The following TRIT1 variants were observed in gnomAD, a reference collection of about 807,000 sequenced individuals.
TRIT1 encodes tRNA dimethylallyltransferase.
A neutral mutation model predicts 51.2 loss-of-function variants in TRIT1; 43 were observed. The ratio of observed to expected loss-of-function variants is 0.84; its 90% CI spans 0.66 to 1.08. The LOEUF (loss-of-function observed/expected upper bound fraction) is 1.08, where lower values mean the gene tolerates loss of function less well. Ranked by LOEUF, TRIT1 falls within the 50% of genes least tolerant of loss-of-function variation. TRIT1 has a pLI of 0.00. For missense variants in TRIT1, 528 were observed against 578.4 expected (o/e 0.91, Z 0.89); for synonymous variants, 184 against 203.9 (o/e 0.90, Z 0.83).
chr1:39,842,428 T>C (rs370260660), intron 10 of TRIT1, among the ~76,000 whole-genome samples: 21 of 152,372 alleles, frequency 1.4e-4, no homozygotes, highest in African/African-American at 4.6e-4. Flanking sequence ...CCTGTTGTCC[T>C]TCCTGGTCTG....
chr1:39,843,484 C>T (rs1341219091), intron 10 of TRIT1, among the ~76,000 whole-genome samples: 1 of 152,170 alleles, frequency 6.6e-6, no homozygotes, highest in East Asian at 1.9e-4. Context: ...GGGATAGAGC[C>T]TTAGGGTGGG....
chr1:39,866,179 T>C (rs911356190), intron 1 of TRIT1, among the ~76,000 whole-genome samples: 1 of 152,046 alleles, frequency 6.6e-6, no homozygotes, highest in Admixed American at 6.6e-5. Context: ...CTAACATCTC[T>C]TCTAGTTCTT....
intron 3 of TRIT1, 63 bp from the exon 4 acceptor site, chr1:39,852,939 G>A (rs191454211): frequency 6.4e-7 from 1 of 1,551,908 alleles, no homozygotes; most frequent in East Asian, 2.3e-5. Context: ...GTATGTGCCA[G>A]GCACTTTGCT....
intron 1 of TRIT1, among the ~76,000 whole-genome samples, chr1:39,863,276 C>G (rs1643351109): frequency 6.6e-6 from 1 of 152,072 alleles, no homozygotes; most frequent in Non-Finnish European, 1.5e-5. Context: ...ACCAGCCCGG[C>G]CAATATAGTG....
rs1253774533 is a variant in TRIT1, at chr1:39,869,259, C to T, written c.175-11842G>A. Among the ~76,000 whole-genome samples the T allele has an allele frequency of 3.3e-5, 5 of 152,188 alleles. No individual in the cohort carries two copies. In the South Asian group the frequency reaches 8.3e-4, roughly 25 times the overall value. On this transcript the variant is annotated intron_variant, in intron 1 of 10. Transcript: ENST00000316891. ...CTGGGATTGCAGGCGCACGCCGCCACGCCTGACTGGTTTTCATATTTTTTT... is the reference window on the plus strand; with the variant it reads ...CTGGGATTGCAGGCGCACGCCGCCATGCCTGACTGGTTTTCATATTTTTTT...
At chr1:39,869,674 C>T (rs1486059729) in intron 1 of TRIT1, among the ~76,000 whole-genome samples, 2 of 151,674 alleles carry the variant, frequency 1.3e-5, no homozygotes, top group Admixed American at 1.3e-4. Flanking sequence ...CTCTGCCCCG[C>T]CGCCCACCGT....
intron 1 of TRIT1, among the ~76,000 whole-genome samples, chr1:39,869,024 C>A (rs1389238820): frequency 3.3e-5 from 5 of 152,206 alleles, no homozygotes; most frequent in Middle Eastern, 3.2e-3. Context: ...CGTGCCACTG[C>A]ACTTCAGCCT....
At chr1:39,859,632 G>T (rs748571726) in intron 1 of TRIT1, among the ~76,000 whole-genome samples, 13 of 151,796 alleles carry the variant, frequency 8.6e-5, no homozygotes, top group Non-Finnish European at 1.6e-4. Context: ...GGGAGGAAAA[G>T]AGTTAATAAT....
In TRIT1 at chr1:39,841,307, T is replaced by C. The variant is rs1292452637; in HGVS notation, c.*437A>G. 6.5e-6 allele frequency: 1 copy of C among 152,840 alleles called. No homozygotes were observed. Among genetic ancestry groups the C allele is most frequent in the East Asian group, 1.9e-4 (1 of 5,212 alleles). 9.5% of individuals were successfully genotyped at this position (152,840 alleles called of 1,614,324 possible). ...TCACTCAAATCTAGAACTCCCAATA[T>C]GTGGCTCACAAATACTTCAGTCATC... is the stretch of plus-strand genomic sequence containing the variant. On this transcript the variant is annotated 3_prime_UTR_variant, in exon 11 of 11. Transcript: ENST00000316891.
In TRIT1 at chr1:39,883,419, G is replaced by C. The variant is rs765715282; in HGVS notation, c.73C>G (p.Leu25Val). Residue 25 changes from leucine (L) to valine (V), a missense_variant, in exon 1 of 11, where the codon CTT becomes GTT. Leu to Val is a conservative substitution (Grantham distance 32, BLOSUM62 1). Around this residue, in one of 3 missense-constraint regions of TRIT1, gnomAD observed 55 missense variants for 37.0 expected, o/e 1.49. Transcript: ENST00000316891. ...CCCGTGGCCCCGAGAATCACTACAA[G>C]AGGTAGGGTCCGTTGCAGGCCCCTG... Reference protein sequence around the residue: ...GLRGLQRTLPLVVILGATGTG... With the variant: ...GLRGLQRTLPVVVILGATGTG... 3.5e-5 allele frequency: 56 copies of C among 1,613,776 alleles called. No homozygotes were observed. The highest frequency in any genetic ancestry group is 4.5e-5 in the Non-Finnish European group (53 of 1,179,954).
intron 1 of TRIT1, among the ~76,000 whole-genome samples, chr1:39,879,418 C>A (rs897689631): frequency 6.6e-6 from 1 of 151,970 alleles, no homozygotes; most frequent in Non-Finnish European, 1.5e-5. Flanking sequence ...TATTCTAAGA[C>A]CTTAGGCCTA....
Position 39,851,413 on chromosome 1 carries a change from T to G in TRIT1, c.561-1152A>C, listed in dbSNP as rs139906064. 4.2e-3 allele frequency among the ~76,000 whole-genome samples: 644 copies of G among 152,262 alleles called. 4 individuals are homozygous for G. Among genetic ancestry groups the G allele is most frequent in the Admixed American group, 7.9e-3 (121 of 15,302 alleles). ...GAATAAACACCAAGCTCTAGAATCA[T>G]GTAATAAAACAATATAAAAATGAAT... On this transcript the variant is annotated intron_variant, in intron 4 of 10. Transcript: ENST00000316891.
At position 39,844,593 on chromosome 1, in the gene TRIT1, C is replaced by T; in HGVS notation, c.1054G>A (p.Val352Ile). 3.1e-6 allele frequency: 5 copies of T among 1,614,064 alleles called. No homozygotes were observed. The highest frequency in any genetic ancestry group is 1.1e-5 in the South Asian group (1 of 91,078). Residue 352 changes from valine to isoleucine, a missense_variant, in exon 9 of 11, where the codon GTC (valine) becomes ATC (isoleucine). Val to Ile is a conservative substitution (Grantham distance 29, BLOSUM62 3). This residue lies in a region of TRIT1 where 468 missense variants were observed against 522.6 expected (regional missense o/e 0.90). Coordinates refer to ENST00000316891, the MANE Select transcript of TRIT1 (RefSeq NM_017646.6). ...AGAACAGACTCTTCCCACTTCGAGA[C>T]ATCAGATACCTCTAAGCCATAGACA... ...PPVYGLEVSD[V>I]SKWEESVLEP...
chr1:39,865,683 A>AG (rs1486712161), intron 1 of TRIT1, among the ~76,000 whole-genome samples: 1 of 148,062 alleles, frequency 6.8e-6, no homozygotes, highest in African/African-American at 2.5e-5. Flanking sequence ...AAAAAAAAAA[A>AG]AAAAAAAGAA....
intron 1 of TRIT1, among the ~76,000 whole-genome samples, chr1:39,866,645 T>C (rs1199809600): frequency 2.0e-5 from 3 of 152,146 alleles, no homozygotes; most frequent in African/African-American, 7.2e-5. Context: ...ACTGTAGATA[T>C]GCTGAATAAA....
chr1:39,861,998 G>A (rs1229337996), intron 1 of TRIT1, among the ~76,000 whole-genome samples: 1 of 151,370 alleles, frequency 6.6e-6, no homozygotes, highest in Non-Finnish European at 1.5e-5. Flanking sequence ...GGATAACCTT[G>A]AACATACTAT....
chr1:39,861,500 T>C (rs1557559576), intron 1 of TRIT1, among the ~76,000 whole-genome samples: 1 of 152,194 alleles, frequency 6.6e-6, no homozygotes, highest in Non-Finnish European at 1.5e-5. Flanking sequence ...AACAGATATT[T>C]ACACATCCAT....
At chr1:39,880,824 T>C (rs61781268) in intron 1 of TRIT1, among the ~76,000 whole-genome samples, 6 of 149,494 alleles carry the variant, frequency 4.0e-5, no homozygotes, top group Admixed American at 4.0e-4. Context: ...AGAAAAAAGA[T>C]AGAAACATTT....
chr1:39,850,036 A>G (rs1374203108), intron 5 of TRIT1, 83 bp downstream of exon 5: 2 of 1,465,906 alleles, frequency 1.4e-6, no homozygotes, highest in South Asian at 1.2e-5. Flanking sequence ...TGAGCCACCC[A>G]TGGTTCTCAG....
Sources: gnomAD v4.1 joint callset for allele counts (sites outside exome capture counted in the v4.1 genomes callset) on GRCh38, gnomAD v4.1.1 for gene constraint, gnomAD v4.1.1 regional missense constraint, MANE v1.5 for transcripts, NCBI Gene and HGNC (gene_info 2026-07-23, HGNC 2026-07-21) for gene names.